BEND7: variants seen among roughly 807,000 people sequenced by gnomAD.
BEND7 encodes the protein BEN domain containing 7.
In BEND7, 28 loss-of-function variants were observed where a neutral mutation model predicts 50.9. The observed-to-expected ratio is 0.55, with a 90% CI of 0.41 to 0.75. The LOEUF (loss-of-function observed/expected upper bound fraction) is 0.75, where lower values mean the gene tolerates loss of function less well. Among genes scored for constraint, BEND7 ranks in the 30% least tolerant of loss-of-function variants. The probability of loss-of-function intolerance (pLI) is 0.00; values close to 1 mark genes in which losing one functional copy is unlikely to be tolerated. For synonymous variants in BEND7, 170 were observed against 183.9 expected, an observed-to-expected ratio of 0.92 and a Z score of 0.61; for missense variants, 477 against 491.3, an observed-to-expected ratio of 0.97 and a Z score of 0.28.
chr10:13,473,498 G>A (rs1164574841), intron 6 of BEND7, among the ~76,000 whole-genome samples: 1 of 143,798 alleles, frequency 7.0e-6, no homozygotes, highest in South Asian at 2.2e-4. Context: ...TGTCATCGCT[G>A]TTAGACTTGG....
At chr10:13,496,046 G>A (rs919858585) in intron 4 of BEND7, among the ~76,000 whole-genome samples, 1 of 152,152 alleles carries the variant, frequency 6.6e-6, no homozygotes, top group Admixed American at 6.5e-5. Context: ...TCTATAGAAC[G>A]CTTCATGGAC....
intron 6 of BEND7, among the ~76,000 whole-genome samples, chr10:13,474,483 C>G (rs142743027): frequency 3.3e-5 from 5 of 151,452 alleles, no homozygotes; most frequent in South Asian, 2.1e-4. Context: ...ATCACTGTTA[C>G]ACTCGGGGCC....
chr10:13,455,865 G>C (rs1838849623), intron 6 of BEND7, among the ~76,000 whole-genome samples: 1 of 151,976 alleles, frequency 6.6e-6, no homozygotes, highest in East Asian at 1.9e-4. Context: ...TCATCTCTGA[G>C]AAGAATTGGA....
At chr10:13,516,934 T>C (rs1168317212) in intron 2 of BEND7, among the ~76,000 whole-genome samples, 2 of 152,160 alleles carry the variant, frequency 1.3e-5, no homozygotes, top group Non-Finnish European at 2.9e-5. Context: ...TATTTCTCAG[T>C]GTCCATTGAA....
chr10:13,525,506 G>C (rs1041972454), intron 2 of BEND7, among the ~76,000 whole-genome samples: 7 of 152,198 alleles, frequency 4.6e-5, no homozygotes, highest in Admixed American at 4.6e-4. Flanking sequence ...GTCCCAAAAT[G>C]CTGGTGTGAA....
At chr10:13,502,991 C>T (rs1482242973) in intron 2 of BEND7, 6 of 938,000 alleles carry the variant, frequency 6.4e-6, no homozygotes, top group Non-Finnish European at 7.6e-6. Flanking sequence ...ACAGTGCTAC[C>T]ATTAGCAACA....
At position 13,467,235 on chromosome 10, in the gene BEND7, A is replaced by C. The variant is rs542420246; in HGVS notation, c.1063+13664T>G. 2.6e-5 allele frequency among the ~76,000 whole-genome samples: 4 copies of C among 152,108 alleles called. No homozygotes were observed. The South Asian group carries it at 8.3e-4, about 31-fold the overall frequency. On this transcript the variant is annotated intron_variant, in intron 6 of 8. Transcript: ENST00000466271. ...GTTCTCAGACTTTTATCTGATCCTC[A>C]CTCTTTCAGGCACCAAGTTGCTAGG...
At chr10:13,458,828 G>GT (rs1839590528) in intron 6 of BEND7, among the ~76,000 whole-genome samples, 1 of 152,158 alleles carries the variant, frequency 6.6e-6, no homozygotes, top group Non-Finnish European at 1.5e-5. Flanking sequence ...ACACATCTGA[G>GT]TGAGCGGACC....
intron 5 of BEND7, among the ~76,000 whole-genome samples, chr10:13,489,731 A>G (rs2076514900): frequency 1.3e-5 from 2 of 152,298 alleles, no homozygotes; most frequent in Middle Eastern, 3.4e-3. Context: ...ATCACAGTAG[A>G]GCCTTGAAGG....
At position 13,441,549 on chromosome 10, in the gene BEND7, T is replaced by C. The variant is rs1350118660; in HGVS notation, c.*194A>G. 3 of 1,433,448 alleles carry C rather than the reference T, an allele frequency of 2.1e-6. No individual in the cohort carries two copies. Among genetic ancestry groups the C allele is most frequent in the Admixed American group, 5.8e-5 (2 of 34,538 alleles). The allele number at this position is 1,433,448 out of a possible 1,614,324, so 88.8% of individuals were successfully genotyped here. A position where few individuals can be genotyped will look rare whatever the true frequency, so the allele number is the denominator to read the frequency against. ...AGTGCTTCTGAAGGTTCCCAGCAGATCTCTTAACAGACCACAGTTGGAAGT... is the reference window on the plus strand; with the variant it reads ...AGTGCTTCTGAAGGTTCCCAGCAGACCTCTTAACAGACCACAGTTGGAAGT... On this transcript the variant is annotated 3_prime_UTR_variant, in exon 9 of 9. Transcript: ENST00000466271.
chr10:13,441,903 G>A lies in BEND7; in HGVS notation c.1235-153C>T. On this transcript the variant is annotated intron_variant, in intron 8 of 8. Coordinates refer to ENST00000466271, the MANE Select transcript of BEND7 (RefSeq NM_001369863.1). ...AAAAGAAGCCACACATATATGAGAT[G>A]TAACTTGTCTAGTAGTTAGATTGAT... The A allele has an allele frequency of 5.5e-6, 4 of 728,622 alleles. 1 individual carries two copies. Among genetic ancestry groups the A allele is most frequent in the Non-Finnish European group, 4.6e-6 (2 of 437,542 alleles). 45.1% of individuals were successfully genotyped at this position (728,622 alleles called of 1,614,324 possible). A position where few individuals can be genotyped will look rare whatever the true frequency, so the allele number is the denominator to read the frequency against.
intron 6 of BEND7, among the ~76,000 whole-genome samples, chr10:13,472,241 T>G (rs986701104): frequency 1.5e-4 from 22 of 151,676 alleles, no homozygotes; most frequent in Non-Finnish European, 8.8e-5. Context: ...GCTATTAGAG[T>G]AGGGGCTGAT....
intron 6 of BEND7, among the ~76,000 whole-genome samples, chr10:13,471,974 C>A (rs565729509): frequency 1.3e-4 from 19 of 151,056 alleles, no homozygotes; most frequent in African/African-American, 4.4e-4. Flanking sequence ...GGGGTCAATA[C>A]CCTTCATCAC....
At chr10:13,468,645 T>TTCAGTGCAAA in intron 6 of BEND7, among the ~76,000 whole-genome samples, 1 of 152,102 alleles carries the variant, frequency 6.6e-6, no homozygotes, top group Non-Finnish European at 1.5e-5. Flanking sequence ...CAAGAGTGTT[T>TTCAGTGCAAA]TTGCAGAATT....
intron 8 of BEND7, chr10:13,446,993 G>T: frequency 2.1e-6 from 1 of 473,524 alleles, no homozygotes; most frequent in Non-Finnish European, 3.7e-6. Flanking sequence ...CCAAAGGTTT[G>T]GGGAGGCAAA....
intron 6 of BEND7, among the ~76,000 whole-genome samples, chr10:13,456,814 C>T (rs1424872047): frequency 1.3e-5 from 2 of 152,174 alleles, no homozygotes; most frequent in South Asian, 2.1e-4. Flanking sequence ...GAAGGAAATA[C>T]ATTAGCTTAC....
chr10:13,492,819 G>C lies in BEND7; in HGVS notation c.629C>G (p.Ala210Gly). The C allele has an allele frequency of 1.2e-6, 2 of 1,608,376 alleles. No individual in the cohort carries two copies. Among genetic ancestry groups the C allele is most frequent in the Non-Finnish European group, 1.7e-6 (2 of 1,178,814 alleles). Residue 210 changes from alanine (A) to glycine (G), a missense_variant, in exon 5 of 9, where the codon GCT becomes GGT. Transcript: ENST00000466271. ...CTTTTTATTTCTCTTTCGTGAGACA[G>C]CAGTTCGCTGGGAGCATATAAGGGA... ...PISLICSQRT[A>G]VSRKRNKKKK...
intron 5 of BEND7, among the ~76,000 whole-genome samples, chr10:13,488,962 A>T (rs77114740): frequency 1.3e-5 from 2 of 152,278 alleles, no homozygotes; most frequent in East Asian, 3.9e-4. Flanking sequence ...GTATTTTTTT[A>T]CTGATAGATA....
chr10:13,504,148 A>G (rs768051693), intron 2 of BEND7, among the ~76,000 whole-genome samples: 2 of 152,126 alleles, frequency 1.3e-5, no homozygotes, highest in Non-Finnish European at 2.9e-5. Flanking sequence ...AACCTAAATA[A>G]TCTGGGGACA....
Sources: gnomAD v4.1 joint callset for allele counts (sites outside exome capture counted in the v4.1 genomes callset) on GRCh38, gnomAD v4.1.1 for gene constraint, MANE v1.5 for transcripts, NCBI Gene and HGNC (gene_info 2026-07-23, HGNC 2026-07-21) for gene names.